Variants in C1RL observed in about 807,000 individuals in gnomAD.
The protein encoded by C1RL is complement C1r subcomponent like, also known as complement C1r subcomponent-like protein.
A neutral mutation model predicts 27.9 loss-of-function variants in C1RL; 27 were observed. The ratio of observed to expected loss-of-function variants is 0.97; its 90% CI spans 0.71 to 1.33. The LOEUF (loss-of-function observed/expected upper bound fraction) is 1.33, where lower values mean the gene tolerates loss of function less well. C1RL is among the 40% of genes most tolerant of loss of function. The pLI is 0.00. For synonymous variants in C1RL, 248 were observed against 252.1 expected, an observed-to-expected ratio of 0.98 and a Z score of 0.15; for missense variants, 563 against 623.9, an observed-to-expected ratio of 0.90 and a Z score of 1.04.
At chr12:7,106,157 T>C (rs1938758561) in intron 2 of C1RL, among the ~76,000 whole-genome samples, 1 of 152,056 alleles carries the variant, frequency 6.6e-6, no homozygotes, top group Non-Finnish European at 1.5e-5. Flanking sequence ...ATAAGGAAAA[T>C]ATTCCAAAAG....
Position 7,094,998 on chromosome 12 carries a change from T to C in C1RL, c.*1393A>G, listed in dbSNP as rs1938386054. On this transcript the variant is annotated 3_prime_UTR_variant, in exon 6 of 6. Transcript: ENST00000266542. Reference sequence around the variant, plus strand: ...TAGAGATAAATTTAACCTTTGACCATATAGCAACTTGACTCTTGATGCTAA... The same window carrying C: ...TAGAGATAAATTTAACCTTTGACCACATAGCAACTTGACTCTTGATGCTAA... 1 of 1,112,100 alleles carries C rather than the reference T, an allele frequency of 9.0e-7. No homozygotes were observed. Among genetic ancestry groups the C allele is most frequent in the South Asian group, 1.9e-5 (1 of 52,472 alleles). 68.9% of individuals were successfully genotyped at this position (1,112,100 alleles called of 1,614,324 possible).
In C1RL at chr12:7,109,174, C is replaced by T. The variant is rs771780514; in HGVS notation, c.7G>A (p.Gly3Arg). The T allele has an allele frequency of 2.5e-6, 4 of 1,600,882 alleles. No homozygotes were observed. The highest frequency in any genetic ancestry group is 2.6e-6 in the Non-Finnish European group (3 of 1,173,112). MPGPRVWGKYLWR... is the reference protein window; with the variant it reads MPRPRVWGKYLWR... Reference sequence around the variant, plus strand: ...AGATATTTCCCCCACACTCTGGGTCCAGGCATCTGGAACTGGACATCTGGG... The same window carrying T: ...AGATATTTCCCCCACACTCTGGGTCTAGGCATCTGGAACTGGACATCTGGG... The change falls in exon 1 of 6, where the codon GGA (glycine) becomes AGA (arginine). Residue 3 changes from glycine to arginine, a missense_variant. Transcript: ENST00000266542.
At position 7,097,011 on chromosome 12, in the gene C1RL, C is replaced by T. The variant is rs1938460225; in HGVS notation, c.844G>A (p.Ala282Thr). ...CTGTCCTTGGGGTAGATGGTGTGGG[C>T]AGCAGTGAGGATCCATCTGTCCCCC... ...LLGDRWILTA[A>T]HTIYPKDSVS... The change falls in exon 6 of 6, where the codon GCC (alanine) becomes ACC (threonine). Residue 282 changes from alanine (A) to threonine (T), a missense_variant. Transcript: ENST00000266542. The T allele has an allele frequency of 6.2e-7, 1 of 1,614,148 alleles. No individual in the cohort carries two copies. The highest frequency in any genetic ancestry group is 2.2e-5 in the East Asian group (1 of 44,872).
rs75771510 is a variant in C1RL, at chr12:7,108,398, C to T, written c.153G>A (p.Gln51=). ...GCTCTGGGTACCCGGGGGATGTCAG[C>T]TGCTGGGGTAGCTCTTGGGCCAAGA... ...SVLLAQELPQ[Q]LTSPGYPEPY... The change falls in exon 2 of 6, where the codon CAG becomes CAA. Residue 51 remains glutamine, a synonymous_variant. Transcript: ENST00000266542. 1.7e-3 allele frequency: 2,768 copies of T among 1,614,106 alleles called. 86 individuals are homozygous for T. In the East Asian group the frequency reaches 0.058, roughly 34 times the overall value.
chr12:7,107,877 G>A (rs1938808998), intron 2 of C1RL, among the ~76,000 whole-genome samples: 1 of 152,228 alleles, frequency 6.6e-6, no homozygotes, highest in African/African-American at 2.4e-5. Context: ...TATTATTTGT[G>A]TCCAGCTTCC....
intron 5 of C1RL, 186 bp from the exon 6 acceptor site, chr12:7,097,349 C>T: frequency 1.8e-6 from 1 of 559,558 alleles, no homozygotes; most frequent in East Asian, 3.2e-5. Context: ...CTTGCGCGAT[C>T]TCGGCTCACT....
intron 1 of C1RL, 119 bp downstream of exon 1, chr12:7,108,991 G>A (rs867197090): frequency 2.5e-5 from 6 of 240,346 alleles, no homozygotes; most frequent in South Asian, 1.7e-4. Context: ...GTGTGTGTGG[G>A]GGGGGGGGGG....
At position 7,096,210 on chromosome 12, in the gene C1RL, G is replaced by A. The variant is rs906358196; in HGVS notation, c.*181C>T. The A allele has an allele frequency of 2.4e-5, 33 of 1,383,886 alleles. No homozygotes were observed. Among genetic ancestry groups the A allele is most frequent in the African/African-American group, 1.6e-4 (11 of 68,268 alleles). 85.7% of individuals were successfully genotyped at this position (1,383,886 alleles called of 1,614,324 possible). On this transcript the variant is annotated 3_prime_UTR_variant, in exon 6 of 6. Transcript: ENST00000266542. ...CTCTGCTTCCTGTCTGGGATGGGGC[G>A]GGCTTGCCGGGTGGGGGTTTCTCTT...
At chr12:7,099,862 A>G in intron 4 of C1RL, 39 bp downstream of exon 4, 1 of 1,613,078 alleles carries the variant, frequency 6.2e-7, no homozygotes, top group South Asian at 1.1e-5. Context: ...GGTGGGAATG[A>G]GGTGGATGGA....
At chr12:7,101,398 A>G (rs1938622616) in intron 3 of C1RL, among the ~76,000 whole-genome samples, 1 of 151,376 alleles carries the variant, frequency 6.6e-6, no homozygotes, top group Non-Finnish European at 1.5e-5. Context: ...GTCCCTGAGT[A>G]GCTGGTACTA....
At chr12:7,098,735 A>G (rs1591596440) in intron 5 of C1RL, among the ~76,000 whole-genome samples, 1 of 152,256 alleles carries the variant, frequency 6.6e-6, no homozygotes, top group East Asian at 1.9e-4. Flanking sequence ...GATTCCACTG[A>G]TATAAAATCC....
At position 7,096,736 on chromosome 12, in the gene C1RL, G is replaced by C. The variant is rs769740883; in HGVS notation, c.1119C>G (p.Gly373=). The change falls in exon 6 of 6, where the codon GGC becomes GGG. Residue 373 remains glycine (G), a synonymous_variant. Transcript: ENST00000266542. ...TCTCCATGCCAAACCCACTGACGTA[G>C]CCCAACAAGCCGCTGCGGTAGAGGG... ...NETLYRSGLL[G]YVSGFGMEMG... is the part of the protein sequence containing the mutation. 4 of 1,612,296 alleles carry C rather than the reference G, an allele frequency of 2.5e-6. No individual in the cohort carries two copies. The highest frequency in any genetic ancestry group is 3.4e-6 in the Non-Finnish European group (4 of 1,179,028).
intron 3 of C1RL, 135 bp from the exon 4 acceptor site, chr12:7,100,161 G>A (rs940920314): frequency 1.8e-5 from 16 of 872,298 alleles, no homozygotes; most frequent in Middle Eastern, 3.5e-4. Flanking sequence ...ATTTGAGTTC[G>A]TTTTCACTGA....
intron 2 of C1RL, among the ~76,000 whole-genome samples, chr12:7,102,289 C>T (rs1217100762): frequency 3.3e-5 from 5 of 152,214 alleles, no homozygotes; most frequent in African/African-American, 9.6e-5. Flanking sequence ...CCAGACATAA[C>T]CACATACTAC....
chr12:7,108,119 C>G, intron 2 of C1RL, 132 bp downstream of exon 2: 1 of 737,638 alleles, frequency 1.4e-6, no homozygotes, highest in Non-Finnish European at 2.1e-6. Flanking sequence ...CCCGGTAAGC[C>G]AAGCCCGACT....
rs767164617 is a variant in C1RL at position 7,099,754 on chromosome 12, A to T, written c.623T>A (p.Leu208His). Reference protein sequence around the residue: ...PYYQAAAAGALTCATPGTWKD... With the variant: ...PYYQAAAAGAHTCATPGTWKD... The stretch of plus-strand genomic sequence containing the variant: ...CCAGGTCCCTGGGGTTGCACAGGTG[A>T]GTGCCCCTGTGGCGTAAATGAGGAG... The change falls in exon 5 of 6, where the codon CTC becomes CAC. Residue 208 changes from leucine to histidine, a missense_variant. Coordinates refer to ENST00000266542, the MANE Select transcript of C1RL (RefSeq NM_016546.4). The T allele has an allele frequency of 1.5e-5, 24 of 1,582,806 alleles. No individual in the cohort carries two copies. The highest frequency in any genetic ancestry group is 1.5e-5 in the Non-Finnish European group (18 of 1,164,736).
At chr12:7,097,317 T>A in intron 5 of C1RL, 154 bp from the exon 6 acceptor site, 1 of 686,112 alleles carries the variant, frequency 1.5e-6, no homozygotes, top group Non-Finnish European at 2.3e-6. Flanking sequence ...AGTTTCGCTC[T>A]TGTTGCCCAG....
chr12:7,102,805 A>G (rs2135759139), intron 2 of C1RL, among the ~76,000 whole-genome samples: 1 of 152,316 alleles, frequency 6.6e-6, no homozygotes, highest in South Asian at 2.1e-4. Context: ...CTCTGTTTCA[A>G]TGCCCTTTTG....
At position 7,096,820 on chromosome 12, in the gene C1RL, C is replaced by T. The variant is rs1038542561; in HGVS notation, c.1035G>A (p.Leu345=). The T allele has an allele frequency of 6.2e-7, 1 of 1,604,986 alleles. No individual in the cohort carries two copies. The highest frequency in any genetic ancestry group is 8.5e-7 in the Non-Finnish European group (1 of 1,174,972). Residue 345 remains leucine (L), a synonymous_variant, in exon 6 of 6, where the codon CTG becomes CTA. Transcript: ENST00000266542. ...NFSGDIALLE[L]QHSIPLGPNV... ...TGGGGCCCAGGGGGATGCTGTGCTGCAGCTCCAGGAGGGCGATGTCCCCGC... is the reference window on the plus strand; with the variant it reads ...TGGGGCCCAGGGGGATGCTGTGCTGTAGCTCCAGGAGGGCGATGTCCCCGC...
Sources: allele counts gnomAD v4.1 joint callset (sites outside exome capture counted in the v4.1 genomes callset), GRCh38; gene constraint gnomAD v4.1.1; transcripts MANE v1.5; gene names NCBI Gene and HGNC (gene_info 2026-07-23, HGNC 2026-07-21).